Variants in CORO1B observed in about 807,000 individuals in gnomAD.
CORO1B encodes coronin-1B.
CORO1B carries 30 observed loss-of-function variants against 51.1 expected under a neutral mutation model. The observed-to-expected ratio is 0.59, with a 90% CI of 0.44 to 0.80. CORO1B has a LOEUF of 0.80. CORO1B is among the 30% of genes least tolerant of loss of function. CORO1B has a pLI of 0.00. For synonymous variants in CORO1B, 310 were observed against 289.7 expected (o/e 1.07, Z -0.71); for missense variants, 648 against 700.4 (o/e 0.93, Z 0.84).
rs138220100 is a variant in CORO1B at position 67,435,890 on chromosome 11, G to A, written c.*2486C>T. 9.5e-5 allele frequency: 153 copies of A among 1,611,994 alleles called. No homozygotes were observed. The highest frequency in any genetic ancestry group is 3.1e-4 in the African/African-American group (23 of 74,896). ...GGAGCCGAGGACCAGGTCGCCCTCCGTGTCACTGTCTCTGGCTTCCTCAGC... is the reference window on the plus strand; with the variant it reads ...GGAGCCGAGGACCAGGTCGCCCTCCATGTCACTGTCTCTGGCTTCCTCAGC... On this transcript the variant is annotated 3_prime_UTR_variant, in exon 11 of 11. Coordinates refer to ENST00000341356, the MANE Select transcript of CORO1B (RefSeq NM_020441.3).
chr11:67,438,568 C>G (rs751375755), intron 10 of CORO1B, 67 bp from the exon 11 acceptor site: 161 of 1,558,492 alleles, frequency 1.0e-4, no homozygotes, highest in Non-Finnish European at 1.3e-4. Flanking sequence ...CCCTCCCAAA[C>G]CCACCACTAC....
chr11:67,441,251 G>C lies in CORO1B; in HGVS notation c.637-7C>G, dbSNP rs1396687205. 2 of 1,613,044 alleles carry C rather than the reference G, an allele frequency of 1.2e-6. No homozygotes were observed. Among genetic ancestry groups the C allele is most frequent in the Non-Finnish European group, 8.5e-7 (1 of 1,179,956 alleles). The stretch of plus-strand genomic sequence containing the variant: ...CATGAGCCTTCTCCCGCTCCTGTCG[G>C]GGGGACAGGCTGGTCAGTGCAGCGC... On this transcript the variant is annotated splice_polypyrimidine_tract_variant and splice_region_variant and intron_variant, in intron 5 of 10. Transcript: ENST00000341356.
At chr11:67,439,992 C>G in intron 8 of CORO1B, 126 bp downstream of exon 8, 1 of 1,477,200 alleles carries the variant, frequency 6.8e-7, no homozygotes, top group East Asian at 2.3e-5. Flanking sequence ...CGGGCTGCCT[C>G]GTGACAGTTC....
At position 67,442,585 on chromosome 11, in the gene CORO1B, A is replaced by G. The variant is rs1864420908; in HGVS notation, c.44T>C (p.Val15Ala). 2 of 1,613,716 alleles carry G rather than the reference A, an allele frequency of 1.2e-6. No individual in the cohort carries two copies. The highest frequency in any genetic ancestry group is 1.3e-5 in the African/African-American group (1 of 75,060). The stretch of plus-strand genomic sequence containing the variant: ...GTCGTTCTTGACCGGCTGCCCGAAC[A>G]CATGCCGGAATTTGCTCTGCCGGAC... ...KVVRQSKFRH[V>A]FGQPVKNDQC... The change falls in exon 2 of 11, where the codon GTG becomes GCG. Residue 15 changes from valine to alanine, a missense_variant. By Grantham distance (64) the Val-to-Ala change is moderately conservative. Coordinates refer to ENST00000341356, the MANE Select transcript of CORO1B (RefSeq NM_020441.3).
In CORO1B at chr11:67,438,919, C is replaced by G; in HGVS notation, c.1096G>C (p.Asp366His). Reference sequence around the variant, plus strand: ...AGGGCTGCCTCGGGCCCGGCTGTGTCGGGGTACAGATCATCCTGGAAGAGG... The same window carrying G: ...AGGGCTGCCTCGGGCCCGGCTGTGTGGGGGTACAGATCATCCTGGAAGAGG... ...SDLFQDDLYP[D>H]TAGPEAALEA... The change falls in exon 10 of 11, where the codon GAC (aspartate) becomes CAC (histidine). Residue 366 changes from aspartate (D) to histidine (H), a missense_variant. Transcript: ENST00000341356. The G allele has an allele frequency of 1.2e-6, 2 of 1,609,058 alleles. No individual in the cohort carries two copies. Among genetic ancestry groups the G allele is most frequent in the Non-Finnish European group, 1.7e-6 (2 of 1,178,780 alleles).
intron 10 of CORO1B, 61 bp downstream of exon 10, chr11:67,438,610 A>G (rs1864335226): frequency 3.3e-6 from 5 of 1,523,012 alleles, no homozygotes; most frequent in Non-Finnish European, 8.8e-7. Flanking sequence ...GCTGAAGCCC[A>G]CACAGCAGGC....
At position 67,436,320 on chromosome 11, in the gene CORO1B, G is replaced by C; in HGVS notation, c.*2056C>G. 7.3e-6 allele frequency: 11 copies of C among 1,511,700 alleles called. No homozygotes were observed. The highest frequency in any genetic ancestry group is 9.7e-6 in the Non-Finnish European group (11 of 1,132,174). 93.6% of individuals were successfully genotyped at this position (1,511,700 alleles called of 1,614,324 possible). On this transcript the variant is annotated 3_prime_UTR_variant, in exon 11 of 11. Transcript: ENST00000341356. ...CCCAAGGCCCCTGGCAGGGCCAGCA[G>C]CATCCCGAGCCCTAAGGTGCAGGGC...
At chr11:67,439,085 C>T in intron 9 of CORO1B, 136 bp from the exon 10 acceptor site, 1 of 1,031,148 alleles carries the variant, frequency 9.7e-7, no homozygotes, top group East Asian at 2.6e-5. Flanking sequence ...TGGCCTTTAA[C>T]TTCCTTTCTG....
chr11:67,436,250 G>A lies in CORO1B; in HGVS notation c.*2126C>T. ...GAGCAGCAGCAGCAGCAGGACAACG[G>A]TGACAGAGCTGGAGCCCACGCTGTC... is the stretch of plus-strand genomic sequence containing the variant. On this transcript the variant is annotated 3_prime_UTR_variant, in exon 11 of 11. Transcript: ENST00000341356. 1.3e-6 allele frequency: 2 copies of A among 1,545,470 alleles called. No homozygotes were observed. Among genetic ancestry groups the A allele is most frequent in the South Asian group, 1.2e-5 (1 of 84,392 alleles).
In CORO1B at chr11:67,442,646, G is replaced by A. The variant is rs1326594366; in HGVS notation, c.-2-16C>T. ...AAGGACATGTCTGCGGGACAGAGAGGCCTGGGTCAGTCCGGCCCATCCCAA... is the reference window on the plus strand; with the variant it reads ...AAGGACATGTCTGCGGGACAGAGAGACCTGGGTCAGTCCGGCCCATCCCAA... On this transcript the variant is annotated splice_polypyrimidine_tract_variant and intron_variant, in intron 1 of 10. Transcript: ENST00000341356. 5.6e-6 allele frequency: 9 copies of A among 1,611,164 alleles called. No individual in the cohort carries two copies. Among genetic ancestry groups the A allele is most frequent in the Non-Finnish European group, 7.6e-6 (9 of 1,178,534 alleles).
At chr11:67,442,327 G>T in intron 2 of CORO1B, 101 bp downstream of exon 2, 1 of 1,345,192 alleles carries the variant, frequency 7.4e-7, no homozygotes, top group Non-Finnish European at 1.0e-6. Context: ...CACCTGCCCA[G>T]CAGTGTGAGA....
At chr11:67,441,294 G>A in intron 5 of CORO1B, 39 bp downstream of exon 5, 1 of 1,612,954 alleles carries the variant, frequency 6.2e-7, no homozygotes, top group Non-Finnish European at 8.5e-7. Context: ...AAGGTCCTGG[G>A]CCTATCCACA....
chr11:67,442,817 C>T (rs1204214240), intron 1 of CORO1B, among the ~76,000 whole-genome samples, 187 bp from the exon 2 acceptor site: 4 of 152,158 alleles, frequency 2.6e-5, no homozygotes, highest in Non-Finnish European at 5.9e-5. Flanking sequence ...ACCCCGCAGG[C>T]AGTGATCTGA....
rs946550587 is a variant in CORO1B at position 67,438,302 on chromosome 11, C to T, written c.*74G>A. On this transcript the variant is annotated 3_prime_UTR_variant, in exon 11 of 11. Coordinates refer to ENST00000341356, the MANE Select transcript of CORO1B (RefSeq NM_020441.3). ...AGAGGCTCTGGGCAGCCAGCTAGCC[C>T]GGTGCGACCCGCTGGCAGAAGCTGA... is the stretch of plus-strand genomic sequence containing the variant. The T allele has an allele frequency of 3.8e-5, 59 of 1,535,564 alleles. No homozygotes were observed. The highest frequency in any genetic ancestry group is 1.1e-4 in the Admixed American group (6 of 55,988).
chr11:67,443,752 C>G, upstream of CORO1B: 6 of 985,302 alleles, frequency 6.1e-6, no homozygotes, highest in Non-Finnish European at 7.2e-6. Flanking sequence ...TGCAGCCTTA[C>G]AGCGGACCCG....
chr11:67,438,078 GA>G lies in CORO1B; in HGVS notation c.*297del, dbSNP rs1433989828. On this transcript the variant is annotated 3_prime_UTR_variant, in exon 11 of 11. Transcript: ENST00000341356. Reference sequence around the variant, plus strand: ...TTAGAAAGAGAATTTTATTTGGAATGAAAATATAGAGCCCACCCTCCCGCCT... The same window carrying G: ...TTAGAAAGAGAATTTTATTTGGAATGAAATATAGAGCCCACCCTCCCGCCT... 2.1e-5 allele frequency: 8 copies of G among 383,042 alleles called. No individual in the cohort carries two copies. Among genetic ancestry groups the G allele is most frequent in the Non-Finnish European group, 3.7e-5 (8 of 215,372 alleles). The allele number at this position is 383,042 out of a possible 1,614,324, so 23.7% of individuals were successfully genotyped here.
rs1319024948 is a variant in CORO1B, at chr11:67,441,495, G to A, written c.474C>T (p.Leu158=). Residue 158 remains leucine, a synonymous_variant, in exon 5 of 11, where the codon CTC becomes CTT. Coordinates refer to ENST00000341356, the MANE Select transcript of CORO1B (RefSeq NM_020441.3). The part of the protein sequence containing the change: ...LLSAGCDNVV[L]IWNVGTAEEL... Reference sequence around the variant, plus strand: ...CCTCCGCTGTGCCCACATTCCAGATGAGTACCACGTTGTCGCAGCCTGGCA... The same window carrying A: ...CCTCCGCTGTGCCCACATTCCAGATAAGTACCACGTTGTCGCAGCCTGGCA... The A allele has an allele frequency of 1.2e-6, 2 of 1,613,358 alleles. No individual in the cohort carries two copies. Among genetic ancestry groups the A allele is most frequent in the Non-Finnish European group, 1.7e-6 (2 of 1,179,868 alleles).
rs1864252334 is a variant in CORO1B at position 67,435,712 on chromosome 11, A to T, written c.*2664T>A. 1 of 1,502,190 alleles carries T rather than the reference A, an allele frequency of 6.7e-7. No homozygotes were observed. The highest frequency in any genetic ancestry group is 8.8e-7 in the Non-Finnish European group (1 of 1,130,384). 93.1% of individuals were successfully genotyped at this position (1,502,190 alleles called of 1,614,324 possible). A position where few individuals can be genotyped will look rare whatever the true frequency, so the allele number is the denominator to read the frequency against. On this transcript the variant is annotated 3_prime_UTR_variant, in exon 11 of 11. Transcript: ENST00000341356. ...CGGGGAGTGAGCGGCTGTGACAGGG[A>T]TGGGACACCAAGACCGGCCTCTACA... is the stretch of plus-strand genomic sequence containing the variant.
Position 67,436,507 on chromosome 11 carries a change from G to T in CORO1B, c.*1869C>A. 1.2e-6 allele frequency: 1 copy of T among 850,298 alleles called. No homozygotes were observed. 52.7% of individuals were successfully genotyped at this position (850,298 alleles called of 1,614,324 possible). Reference sequence around the variant, plus strand: ...GCCAAGGCCTTATTTGGTCAACCAGGCTCTGGCCCTGTGAGATCAGCCCCC... The same window carrying T: ...GCCAAGGCCTTATTTGGTCAACCAGTCTCTGGCCCTGTGAGATCAGCCCCC... On this transcript the variant is annotated 3_prime_UTR_variant, in exon 11 of 11. Transcript: ENST00000341356.
Sources: allele counts gnomAD v4.1 joint callset (sites outside exome capture counted in the v4.1 genomes callset), GRCh38; gene constraint gnomAD v4.1.1; transcripts MANE v1.5; gene names NCBI Gene and HGNC (gene_info 2026-07-23, HGNC 2026-07-21).